Variants in ACSM2B observed in about 807,000 individuals in gnomAD.
The protein encoded by ACSM2B is acyl-coenzyme A synthetase ACSM2B, mitochondrial.
In ACSM2B, 58 loss-of-function variants were observed where a neutral mutation model predicts 78.6. That is an observed-to-expected ratio of 0.74 (90% confidence interval 0.60 to 0.92). The LOEUF (loss-of-function observed/expected upper bound fraction) is 0.92. Ranked by LOEUF, ACSM2B falls within the 40% of genes least tolerant of loss-of-function variation. ACSM2B has a pLI of 0.00. For synonymous variants in ACSM2B, 257 were observed against 256.8 expected (o/e 1.00, Z -0.01); for missense variants, 688 against 711.2 (o/e 0.97, Z 0.37).
chr16:20,551,328 C>A (rs896212546), intron 6 of ACSM2B, among the ~76,000 whole-genome samples: 5 of 152,028 alleles, frequency 3.3e-5, no homozygotes, highest in African/African-American at 9.7e-5. Context: ...AAAGCTCTAA[C>A]CCTCAACTTG....
At chr16:20,537,570 T>A (rs999379990) in intron 13 of ACSM2B, among the ~76,000 whole-genome samples, 2 of 152,118 alleles carry the variant, frequency 1.3e-5, no homozygotes, top group African/African-American at 4.8e-5. Context: ...TTGACATATT[T>A]TCAGACAGAG....
intron 6 of ACSM2B, 62 bp from the exon 7 acceptor site, chr16:20,548,535 C>T (rs1006941651): frequency 9.3e-6 from 15 of 1,611,634 alleles, no homozygotes; most frequent in Non-Finnish European, 1.2e-5. Context: ...TATGGCTATG[C>T]ACAGTGGTTA....
chr16:20,566,595 A>C, intron 1 of ACSM2B, among the ~76,000 whole-genome samples: 1 of 93,148 alleles, frequency 1.1e-5, no homozygotes, highest in Non-Finnish European at 1.9e-5. Context: ...TAAATATATA[A>C]TATGTATATA....
intron 1 of ACSM2B, among the ~76,000 whole-genome samples, chr16:20,573,557 C>T (rs1302885223): frequency 7.1e-6 from 1 of 141,336 alleles, no homozygotes; most frequent in East Asian, 2.1e-4. Flanking sequence ...CCTCCCATAC[C>T]TCCCCATTCC....
intron 1 of ACSM2B, among the ~76,000 whole-genome samples, chr16:20,567,625 T>C (rs2015962432): frequency 7.3e-6 from 1 of 136,400 alleles, no homozygotes; most frequent in Admixed American, 8.2e-5. Flanking sequence ...TATAGTATAT[T>C]ATATCTATAT....
Position 20,545,227 on chromosome 16 carries a change from G to T in ACSM2B, c.1211C>A (p.Pro404His). Residue 404 changes from proline (P) to histidine (H), a missense_variant, in exon 10 of 14, where the codon CCC becomes CAC. Pro to His is a moderately conservative substitution (Grantham distance 77). Coordinates refer to ENST00000329697, the MANE Select transcript of ACSM2B (RefSeq NM_001105069.2). ...GATGCCAATGTCTCCTTCTGTGCCG[G>T]GGGGCAGGACGTTGCCCTTATCATC... ...VIDDKGNVLP[P>H]GTEGDIGIRV... is the part of the protein sequence containing the mutation. The T allele has an allele frequency of 1.2e-6, 2 of 1,613,952 alleles. No homozygotes were observed. The highest frequency in any genetic ancestry group is 1.7e-6 in the Non-Finnish European group (2 of 1,179,886).
chr16:20,565,438 G>A (rs1300930287), intron 1 of ACSM2B, among the ~76,000 whole-genome samples: 1 of 152,138 alleles, frequency 6.6e-6, no homozygotes, highest in African/African-American at 2.4e-5. Context: ...GAAATGTGGA[G>A]TTGAGCTGAG....
chr16:20,548,049 T>C lies in ACSM2B; in HGVS notation c.1098+13A>G, dbSNP rs1458975863. 7 of 1,613,762 alleles carry C rather than the reference T, an allele frequency of 4.3e-6. No individual in the cohort carries two copies. The highest frequency in any genetic ancestry group is 5.9e-6 in the Non-Finnish European group (7 of 1,179,814). On this transcript the variant is annotated intron_variant, in intron 8 of 13. Coordinates refer to ENST00000329697, the MANE Select transcript of ACSM2B (RefSeq NM_001105069.2). ...AAGTGCACACAGCCCATGGTTCCCC[T>C]GGGAACAGGTACCGTTTCTGTCTGG...
intron 12 of ACSM2B, 171 bp downstream of exon 12, chr16:20,542,743 C>T (rs2015031078): frequency 1.3e-6 from 1 of 796,850 alleles, no homozygotes; most frequent in Non-Finnish European, 2.0e-6. Flanking sequence ...GATGAAGAAA[C>T]TGAGAAACAG....
Position 20,548,602 on chromosome 16 carries a change from T to C in ACSM2B, c.895-129A>G, listed in dbSNP as rs2015214465. 5.1e-6 allele frequency: 8 copies of C among 1,560,934 alleles called. No individual in the cohort carries two copies. The South Asian group carries it at 5.9e-5, about 12-fold the overall frequency. On this transcript the variant is annotated intron_variant, in intron 6 of 13. Transcript: ENST00000329697. Reference sequence around the variant, plus strand: ...GATGAAAACCCTAGCTTGTTTACTATGTCTGATTCAAGTTAAATGAGCCCC... The same window carrying C: ...GATGAAAACCCTAGCTTGTTTACTACGTCTGATTCAAGTTAAATGAGCCCC...
intron 9 of ACSM2B, 124 bp from the exon 10 acceptor site, chr16:20,545,382 A>G (rs1483718117): frequency 3.9e-5 from 45 of 1,152,960 alleles, no homozygotes; most frequent in Non-Finnish European, 4.5e-5. Flanking sequence ...GAAAACGACA[A>G]CCAAAAACCA....
intron 6 of ACSM2B, among the ~76,000 whole-genome samples, chr16:20,551,460 C>CGGA (rs1284105492): frequency 6.6e-6 from 1 of 151,888 alleles, no homozygotes; most frequent in East Asian, 1.9e-4. Flanking sequence ...TCTCTCTCAA[C>CGGA]CATGTGAGAA....
At position 20,542,961 on chromosome 16, in the gene ACSM2B, C is replaced by G; in HGVS notation, c.1462G>C (p.Val488Leu). 1.2e-6 allele frequency: 2 copies of G among 1,613,750 alleles called. No homozygotes were observed. The highest frequency in any genetic ancestry group is 1.7e-5 in the Admixed American group (1 of 60,010). ...CTGCTGATCACAGCCGTCTCAACCA[C>G]AGCAGGGTGCTTCATCAGTGCATTC... ...VENALMKHPA[V>L]VETAVISSPD... The change falls in exon 12 of 14, where the codon GTG becomes CTG. Residue 488 changes from valine to leucine, a missense_variant. By Grantham distance (32) the Val-to-Leu change is conservative. Coordinates refer to ENST00000329697, the MANE Select transcript of ACSM2B (RefSeq NM_001105069.2).
intron 13 of ACSM2B, among the ~76,000 whole-genome samples, chr16:20,537,986 A>C (rs1390718237): frequency 6.6e-6 from 1 of 152,148 alleles, no homozygotes; most frequent in African/African-American, 2.4e-5. Flanking sequence ...TCTTGTTAAA[A>C]GGAATGTTTG....
At chr16:20,557,477 C>A (rs143870031) in intron 3 of ACSM2B, among the ~76,000 whole-genome samples, 3 of 152,164 alleles carry the variant, frequency 2.0e-5, no homozygotes, top group Non-Finnish European at 4.4e-5. Context: ...CCATCACTAA[C>A]CGTTCACCTC....
intron 6 of ACSM2B, among the ~76,000 whole-genome samples, chr16:20,551,190 G>A (rs1251553506): frequency 6.6e-6 from 1 of 152,136 alleles, no homozygotes; most frequent in African/African-American, 2.4e-5. Flanking sequence ...ATGGGGGGCA[G>A]ATACTGTCAG....
At position 20,555,433 on chromosome 16, in the gene ACSM2B, G is replaced by C. The variant is rs2015443692; in HGVS notation, c.432C>G (p.Asp144Glu). The change falls in exon 4 of 14, where the codon GAC becomes GAG. Residue 144 changes from aspartate (D) to glutamate (E), a missense_variant. By Grantham distance (45) the Asp-to-Glu change is conservative. Coordinates refer to ENST00000329697, the MANE Select transcript of ACSM2B (RefSeq NM_001105069.2). ...MPGTIQMKST[D>E]ILYRLQMSKA... ...TAGACATCTGCAACCTATACAGTAT[G>C]TCAGTGGATTTCATCTGGATGGTTC... The C allele has an allele frequency of 6.2e-7, 1 of 1,613,624 alleles. No homozygotes were observed. Among genetic ancestry groups the C allele is most frequent in the Admixed American group, 1.7e-5 (1 of 59,992 alleles).
At chr16:20,540,250 G>T (rs200595682) in intron 13 of ACSM2B, among the ~76,000 whole-genome samples, 34 of 143,498 alleles carry the variant, frequency 2.4e-4, no homozygotes, top group African/African-American at 8.2e-4. Flanking sequence ...TGTTTGTTTG[G>T]TTTTTTTTTT....
chr16:20,558,453 T>A (rs974729901), intron 3 of ACSM2B, among the ~76,000 whole-genome samples: 2 of 151,620 alleles, frequency 1.3e-5, no homozygotes, highest in African/African-American at 4.8e-5. Context: ...TATGCAATTA[T>A]TAAACTCTTC....
Sources: gnomAD v4.1 joint callset for allele counts (sites outside exome capture counted in the v4.1 genomes callset) on GRCh38, gnomAD v4.1.1 for gene constraint, MANE v1.5 for transcripts, NCBI Gene and HGNC (gene_info 2026-07-23, HGNC 2026-07-21) for gene names.